Variants in PHACTR4 observed in about 807,000 individuals in gnomAD.
PHACTR4 encodes phosphatase and actin regulator 4.
Under a neutral mutation model 72.7 loss-of-function variants are expected in PHACTR4, and 51 were observed. The observed-to-expected ratio is 0.70, with a 90% confidence interval of 0.56 to 0.89. The LOEUF (loss-of-function observed/expected upper bound fraction) is 0.89, where lower values mean the gene tolerates loss of function less well. PHACTR4 is among the 40% of genes least tolerant of loss of function. The pLI is 0.00. For missense variants in PHACTR4, 731 were observed against 861.8 expected, an observed-to-expected ratio of 0.85 and a Z score of 1.90; for synonymous variants, 255 against 302.5, an observed-to-expected ratio of 0.84 and a Z score of 1.63.
chr1:28,481,645 C>T (rs1269356557), intron 9 of PHACTR4, among the ~76,000 whole-genome samples: 1 of 151,792 alleles, frequency 6.6e-6, no homozygotes, highest in Non-Finnish European at 1.5e-5. Context: ...CAAAAATTAG[C>T]CAGGCATGGT....
At chr1:28,409,029 A>C (rs1654573527) in intron 2 of PHACTR4, among the ~76,000 whole-genome samples, 1 of 151,994 alleles carries the variant, frequency 6.6e-6, no homozygotes, top group Non-Finnish European at 1.5e-5. Flanking sequence ...TAGCAACATG[A>C]GTAAAGGAAT....
intron 1 of PHACTR4, 98 bp from the exon 2 acceptor site, chr1:28,407,312 T>C: frequency 1.9e-6 from 1 of 531,832 alleles, no homozygotes; most frequent in Non-Finnish European, 3.2e-6. Flanking sequence ...ACTTTTAAAC[T>C]ATAGTCAATG....
intron 2 of PHACTR4, among the ~76,000 whole-genome samples, chr1:28,412,804 G>A (rs1654869422): frequency 6.6e-6 from 1 of 152,164 alleles, no homozygotes. Context: ...CCCTTCTATG[G>A]AAGTCATGAG....
chr1:28,467,931 A>C (rs1309143165), intron 6 of PHACTR4, among the ~76,000 whole-genome samples: 1 of 152,176 alleles, frequency 6.6e-6, no homozygotes, highest in Admixed American at 6.6e-5. Flanking sequence ...AAGCTAATAA[A>C]AATATAGTTT....
chr1:28,390,750 G>A (rs1652946452), intron 1 of PHACTR4, among the ~76,000 whole-genome samples: 1 of 151,904 alleles, frequency 6.6e-6, no homozygotes, highest in South Asian at 2.1e-4. Flanking sequence ...CCGAGATCAC[G>A]CCACTGCGCT....
intron 8 of PHACTR4, among the ~76,000 whole-genome samples, chr1:28,476,496 T>G (rs1450455943): frequency 6.6e-6 from 1 of 151,834 alleles, no homozygotes; most frequent in Non-Finnish European, 1.5e-5. Context: ...GGGATCCAAG[T>G]AGATTGAGTC....
chr1:28,461,510 A>G (rs573362681), intron 4 of PHACTR4, among the ~76,000 whole-genome samples: 1 of 152,338 alleles, frequency 6.6e-6, no homozygotes, highest in East Asian at 1.9e-4. Flanking sequence ...GTATTACTGT[A>G]TACTTTTTGG....
At chr1:28,408,596 C>G (rs1408456920) in intron 2 of PHACTR4, among the ~76,000 whole-genome samples, 1 of 151,278 alleles carries the variant, frequency 6.6e-6, no homozygotes, top group East Asian at 1.9e-4. Context: ...TGGAAGTAAT[C>G]ATAATAGCAG....
At chr1:28,490,324 G>A (rs1161156177) in intron 10 of PHACTR4, among the ~76,000 whole-genome samples, 5 of 152,104 alleles carry the variant, frequency 3.3e-5, no homozygotes, top group Non-Finnish European at 7.3e-5. Flanking sequence ...AAGGTCAGGA[G>A]ATCGAGACCA....
At chr1:28,400,100 C>T (rs11247803) in intron 1 of PHACTR4, among the ~76,000 whole-genome samples, 42,837 of 151,998 alleles carry the variant, frequency 0.28, 6,210 homozygotes, top group Middle Eastern at 0.34. Flanking sequence ...TTGTCAAGCA[C>T]AATGGCTCAT....
chr1:28,388,711 G>C (rs1217457008), intron 1 of PHACTR4, among the ~76,000 whole-genome samples: 1 of 152,114 alleles, frequency 6.6e-6, no homozygotes, highest in African/African-American at 2.4e-5. Context: ...TTAGCTGGGC[G>C]TGGTGGTGTG....
chr1:28,422,313 A>G (rs963340521), intron 2 of PHACTR4, among the ~76,000 whole-genome samples: 6 of 152,328 alleles, frequency 3.9e-5, no homozygotes, highest in Middle Eastern at 3.4e-3. Context: ...ATGATAATGC[A>G]ATTTTTAAAA....
intron 1 of PHACTR4, among the ~76,000 whole-genome samples, chr1:28,405,886 A>G (rs1038958698): frequency 6.6e-6 from 1 of 151,668 alleles, no homozygotes; most frequent in Non-Finnish European, 1.5e-5. Context: ...GCGAAACTCC[A>G]TCTTAAAAAA....
At chr1:28,421,921 C>T (rs1464161791) in intron 2 of PHACTR4, among the ~76,000 whole-genome samples, 1 of 152,156 alleles carries the variant, frequency 6.6e-6, no homozygotes, top group African/African-American at 2.4e-5. Flanking sequence ...TATCCTAACC[C>T]CACCCCAAAG....
At chr1:28,490,296 C>T (rs968818927) in intron 10 of PHACTR4, among the ~76,000 whole-genome samples, 3 of 152,098 alleles carry the variant, frequency 2.0e-5, no homozygotes, top group Non-Finnish European at 4.4e-5. Context: ...AATATCTGGG[C>T]CGAGGCGAGT....
At chr1:28,473,497 C>A in intron 6 of PHACTR4, 57 bp from the exon 7 acceptor site, 1 of 1,314,604 alleles carries the variant, frequency 7.6e-7, no homozygotes, top group Non-Finnish European at 1.1e-6. Flanking sequence ...GGCCCTGGGC[C>A]GGCCCTTCAA....
At chr1:28,373,821 A>T (rs936512507) in intron 1 of PHACTR4, among the ~76,000 whole-genome samples, 3 of 152,178 alleles carry the variant, frequency 2.0e-5, no homozygotes, top group African/African-American at 7.2e-5. Flanking sequence ...TTTACAGCTG[A>T]TAAAGCCTAG....
chr1:28,467,009 T>C (rs1001306315), intron 6 of PHACTR4: 28 of 437,186 alleles, frequency 6.4e-5, no homozygotes, highest in African/African-American at 5.6e-4. Context: ...GGTCAGGAGA[T>C]TGAGACCATC....
intron 9 of PHACTR4, among the ~76,000 whole-genome samples, chr1:28,487,966 AC>A (rs1402697920): frequency 6.6e-6 from 1 of 151,436 alleles, no homozygotes; most frequent in Admixed American, 6.6e-5. Context: ...TGAGTTCCTG[AC>A]CTCAGGTGAT....
Sources: allele counts gnomAD v4.1 joint callset (sites outside exome capture counted in the v4.1 genomes callset), GRCh38; gene constraint gnomAD v4.1.1; transcripts MANE v1.5; gene names NCBI Gene and HGNC (gene_info 2026-07-23, HGNC 2026-07-21).